Variants in MICALL2 observed in about 807,000 individuals in gnomAD.
MICALL2 encodes MICAL like 2, also known as MICAL-like protein 2.
In MICALL2, 111 loss-of-function variants were observed where a neutral mutation model predicts 91.1. The ratio of observed to expected loss-of-function variants is 1.22; its 90% confidence interval spans 1.04 to 1.43. MICALL2 has a LOEUF of 1.43. Among genes scored for constraint, MICALL2 ranks in the 40% most tolerant of loss-of-function variants. The pLI, the probability that MICALL2 is intolerant of heterozygous loss-of-function variation, is 0.00. For synonymous variants in MICALL2, 694 were observed against 525.3 expected (o/e 1.32, Z -4.39); for missense variants, 1,556 against 1,236.0 (o/e 1.26, Z -3.88).
Position 1,438,420 on chromosome 7 carries a change from T to C in MICALL2, c.2123-67A>G, listed in dbSNP as rs1209680183. 1.9e-6 allele frequency: 3 copies of C among 1,548,076 alleles called. No individual in the cohort carries two copies. The African/African-American group carries it at 4.1e-5, about 21-fold the overall frequency. On this transcript the variant is annotated intron_variant, in intron 10 of 16. Transcript: ENST00000297508. ...AGGCCCAACGTGACCAGGACACAGC[T>C]TGGAAGGAGCCTGACCTCAGCACAG...
chr7:1,437,033 G>A (rs111367569), intron 14 of MICALL2, 177 bp from the exon 15 acceptor site: 32,601 of 520,446 alleles, frequency 0.063, 1,237 homozygotes, highest in Middle Eastern at 0.11. Flanking sequence ...GAACGGCCAC[G>A]TCAGAGCCCG....
At position 1,446,913 on chromosome 7, in the gene MICALL2, C is replaced by T. The variant is rs578117584; in HGVS notation, c.526-85G>A. 3.6e-5 allele frequency: 35 copies of T among 961,378 alleles called. No homozygotes were observed. The South Asian group carries it at 5.5e-4, about 15-fold the overall frequency. The allele number at this position is 961,378 out of a possible 1,614,324, so 59.6% of individuals were successfully genotyped here. A position where few individuals can be genotyped will look rare whatever the true frequency, so the allele number is the denominator to read the frequency against. On this transcript the variant is annotated intron_variant, in intron 4 of 16. Transcript: ENST00000297508. ...CAGCCCACAGGTGGCCGGAAGAGCC[C>T]ATCTTACAGATGGAGAACTGGCCAG...
intron 4 of MICALL2, 94 bp from the exon 5 acceptor site, chr7:1,446,922 G>A: frequency 1.1e-6 from 1 of 894,318 alleles, no homozygotes; most frequent in Non-Finnish European, 1.7e-6. Context: ...CCATCTTACA[G>A]ATGGAGAACT....
At chr7:1,438,010 G>T in intron 12 of MICALL2, 30 bp from the exon 13 acceptor site, 1 of 1,550,826 alleles carries the variant, frequency 6.4e-7, no homozygotes, top group East Asian at 2.4e-5. Context: ...GGGGCAGGGG[G>T]GCCCGCCAGA....
intron 1 of MICALL2, 112 bp from the exon 2 acceptor site, chr7:1,450,400 G>A: frequency 2.3e-6 from 2 of 874,680 alleles, no homozygotes; most frequent in East Asian, 2.4e-5. Context: ...AGGATGGGGG[G>A]CTGTGAAGGA....
At chr7:1,439,339 GACACAC>G in intron 9 of MICALL2, 1 of 287,250 alleles carries the variant, frequency 3.5e-6, no homozygotes, top group Non-Finnish European at 6.6e-6. Flanking sequence ...TGCACACGTG[GACACAC>G]ATGCATCACA....
chr7:1,439,659 A>G, intron 9 of MICALL2: 1 of 387,666 alleles, frequency 2.6e-6, no homozygotes, highest in Non-Finnish European at 4.5e-6. Flanking sequence ...CACATGCATC[A>G]CACACATGAA....
Position 1,448,606 on chromosome 7 carries a change from C to T in MICALL2, c.334+14G>A, listed in dbSNP as rs763558397. On this transcript the variant is annotated intron_variant, in intron 3 of 16. Coordinates refer to ENST00000297508, the MANE Select transcript of MICALL2 (RefSeq NM_182924.4). ...CTGGTCCTGCCTGGCTCGGCGGGCG[C>T]GGCAGGGACTCACTGGGGGAGCGGC... 34 of 1,611,944 alleles carry T rather than the reference C, an allele frequency of 2.1e-5. No individual in the cohort carries two copies. The highest frequency in any genetic ancestry group is 2.7e-5 in the African/African-American group (2 of 74,888).
rs889970295 is a variant in MICALL2, at chr7:1,437,389, T to C, written c.2476+146A>G. 5 of 615,012 alleles carry C rather than the reference T, an allele frequency of 8.1e-6. No homozygotes were observed. In the African/African-American group the frequency reaches 8.2e-5, roughly 10 times the overall value. The allele number at this position is 615,012 out of a possible 1,614,324, so 38.1% of individuals were successfully genotyped here. On this transcript the variant is annotated intron_variant, in intron 14 of 16. Transcript: ENST00000297508. Reference sequence around the variant, plus strand: ...GACACACAGCCAGGAGGTGGGAGATTTGAAACTCAAACGTGGGCTCGCCTG... The same window carrying C: ...GACACACAGCCAGGAGGTGGGAGATCTGAAACTCAAACGTGGGCTCGCCTG...
intron 7 of MICALL2, chr7:1,441,848 A>G: frequency 3.0e-6 from 1 of 336,988 alleles, no homozygotes; most frequent in Non-Finnish European, 5.5e-6. Context: ...AGGAGGCCCC[A>G]CAGACCACGG....
Position 1,459,186 on chromosome 7 carries a change from G to C in MICALL2, c.141C>G (p.Leu47=), listed in dbSNP as rs766878581. 6.2e-7 allele frequency: 1 copy of C among 1,609,432 alleles called. No individual in the cohort carries two copies. The highest frequency in any genetic ancestry group is 8.5e-7 in the Non-Finnish European group (1 of 1,178,232). The part of the protein sequence containing the change: ...CAILHRHRPD[L]INFSALKKEN... ...AAAGGGCGCCAGGCAGGACTTACAT[G>C]AGGTCGGGCCGGTGGCGGTGCAGGA... Residue 47 remains leucine, a splice_region_variant and synonymous_variant, in exon 1 of 17, where the codon CTC becomes CTG. Transcript: ENST00000297508.
Position 1,434,455 on chromosome 7 carries a change from C to A in MICALL2, c.*141G>T. On this transcript the variant is annotated 3_prime_UTR_variant, in exon 17 of 17. Coordinates refer to ENST00000297508, the MANE Select transcript of MICALL2 (RefSeq NM_182924.4). Reference sequence around the variant, plus strand: ...CCTTGTAGGGACAGGAGGCCCTTCCCGAGTCCAAGTCCGAATGCCGGGTCC... The same window carrying A: ...CCTTGTAGGGACAGGAGGCCCTTCCAGAGTCCAAGTCCGAATGCCGGGTCC... 1 of 754,730 alleles carries A rather than the reference C, an allele frequency of 1.3e-6. No individual in the cohort carries two copies. Among genetic ancestry groups the A allele is most frequent in the Non-Finnish European group, 2.4e-6 (1 of 424,974 alleles). 46.8% of individuals were successfully genotyped at this position (754,730 alleles called of 1,614,324 possible).
At chr7:1,434,950 C>T in intron 16 of MICALL2, 151 bp downstream of exon 16, 1 of 890,690 alleles carries the variant, frequency 1.1e-6, no homozygotes. Flanking sequence ...ACCTGCCTGT[C>T]CTGTCACCAA....
chr7:1,445,188 C>A lies in MICALL2; in HGVS notation c.882G>T (p.Ser294=), dbSNP rs746247148. 4.4e-6 allele frequency: 7 copies of A among 1,593,040 alleles called. No individual in the cohort carries two copies. The East Asian group carries it at 1.4e-4, about 31-fold the overall frequency. The change falls in exon 6 of 17, where the codon TCG becomes TCT. Residue 294 remains serine, a synonymous_variant. Coordinates refer to ENST00000297508, the MANE Select transcript of MICALL2 (RefSeq NM_182924.4). ...PSAWEPAAGN[S]PARASVPAAP... ...CAGCTGGAACGGAAGCCCTGGCAGG[C>A]GAGTTGCCCGCAGCAGGCTCCCAGG...
Position 1,437,602 on chromosome 7 carries a change from C to A in MICALL2, c.2409G>T (p.Lys803Asn). The A allele has an allele frequency of 6.5e-7, 1 of 1,539,456 alleles. No individual in the cohort carries two copies. The change falls in exon 14 of 17, where the codon AAG becomes AAT. Residue 803 changes from lysine to asparagine, a missense_variant. Lys to Asn is a moderately conservative substitution (Grantham distance 94). Coordinates refer to ENST00000297508, the MANE Select transcript of MICALL2 (RefSeq NM_182924.4). ...RQESELMYKS[K>N]AQRLEEQQLD... is the part of the protein sequence containing the mutation. ...GCTGCTGCTCCTCCAGACGCTGGGC[C>A]TTGGACCTGCCGCACAGACACGCGT...
In MICALL2 at chr7:1,442,481, G is replaced by A. The variant is rs961462996; in HGVS notation, c.1422C>T (p.Pro474=). 14 of 1,526,200 alleles carry A rather than the reference G, an allele frequency of 9.2e-6. No homozygotes were observed. Among genetic ancestry groups the A allele is most frequent in the African/African-American group, 1.4e-5 (1 of 72,226 alleles). 94.5% of individuals were successfully genotyped at this position (1,526,200 alleles called of 1,614,324 possible). The change falls in exon 7 of 17, where the codon CCC becomes CCT. Residue 474 remains proline, a synonymous_variant. Coordinates refer to ENST00000297508, the MANE Select transcript of MICALL2 (RefSeq NM_182924.4). ...EEAGAPAPGR[P]SPATAAVPSS... is the part of the protein sequence containing the mutation. ...TGGGAACAGCGGCAGTGGCTGGGGAGGGCCTATAAGTAAAAGCGCAGGCAT... is the reference window on the plus strand; with the variant it reads ...TGGGAACAGCGGCAGTGGCTGGGGAAGGCCTATAAGTAAAAGCGCAGGCAT...
intron 6 of MICALL2, among the ~76,000 whole-genome samples, chr7:1,443,961 C>T (rs984042150): frequency 4.6e-5 from 7 of 152,100 alleles, no homozygotes; most frequent in Non-Finnish European, 1.0e-4. Context: ...AAGGTCAGGG[C>T]CTGGCTGGAC....
chr7:1,449,106 G>A (rs114124183), intron 2 of MICALL2, among the ~76,000 whole-genome samples: 6,609 of 152,310 alleles, frequency 0.043, 458 homozygotes, highest in African/African-American at 0.15. Context: ...AGGCAGGGCT[G>A]ACATTGCTGA....
At chr7:1,437,130 G>A (rs2128518945) in intron 14 of MICALL2, 2 of 480,900 alleles carry the variant, frequency 4.2e-6, no homozygotes, top group East Asian at 3.8e-5. Flanking sequence ...CGCTGTCCCT[G>A]CAGCACAGCA....
Sources: allele counts gnomAD v4.1 joint callset (sites outside exome capture counted in the v4.1 genomes callset), GRCh38; gene constraint gnomAD v4.1.1; transcripts MANE v1.5; gene names NCBI Gene and HGNC (gene_info 2026-07-23, HGNC 2026-07-21).